The following CDC42SE1 variants were observed in gnomAD, a reference collection of about 807,000 sequenced individuals.
The protein encoded by CDC42SE1 is CDC42 small effector 1.
CDC42SE1 carries 10 observed loss-of-function variants against 10.9 expected under a neutral mutation model. The observed-to-expected ratio is 0.92, with a 90% confidence interval of 0.57 to 1.56. The LOEUF (loss-of-function observed/expected upper bound fraction) is 1.56, where lower values mean the gene tolerates loss of function less well. CDC42SE1 is among the 40% of genes most tolerant of loss of function. CDC42SE1 has a pLI of 0.00. For missense variants in CDC42SE1, 81 were observed against 100.8 expected (o/e 0.80, Z 0.84); for synonymous variants, 24 against 32.0 (o/e 0.75, Z 0.85).
chr1:151,059,150 C>G (rs192403296), intron 1 of CDC42SE1: 1 of 152,336 alleles, frequency 6.6e-6, no homozygotes, highest in Non-Finnish European at 1.5e-5. Context: ...GTATCTGTCT[C>G]CCCCCACTAC....
intron 4 of CDC42SE1, among the ~76,000 whole-genome samples, chr1:151,053,870 C>T (rs1676230691): frequency 6.6e-6 from 1 of 152,048 alleles, no homozygotes; most frequent in Non-Finnish European, 1.5e-5. Context: ...TGCTCTATCA[C>T]ACAGGCTGGA....
intron 3 of CDC42SE1, 89 bp from the exon 4 acceptor site, chr1:151,054,410 C>T (rs1191592956): frequency 1.8e-5 from 18 of 1,028,218 alleles, no homozygotes; most frequent in Middle Eastern, 2.0e-4. Context: ...AAGAGGCTGA[C>T]GCCATCTCCT....
rs374961798 is a variant in CDC42SE1, at chr1:151,055,056, A to T, written c.125T>A (p.Ile42Asn). The stretch of plus-strand genomic sequence containing the variant: ...TCCGGCCCCCATCTCCCCTGAGCCA[A>T]TGTGAGTCAGGTGAACAAAATTCAT... The part of the protein sequence containing the change: ...EPMNFVHLTH[I>N]GSGEMGAGDG... The change falls in exon 3 of 5, where the codon ATT becomes AAT. Residue 42 changes from isoleucine to asparagine, a missense_variant. Ile to Asn is a moderately radical substitution (Grantham distance 149, BLOSUM62 -3). Transcript: ENST00000357235. The T allele has an allele frequency of 3.7e-6, 6 of 1,613,830 alleles. No homozygotes were observed. The African/African-American group carries it at 6.7e-5, about 18-fold the overall frequency.
chr1:151,055,271 G>C, intron 2 of CDC42SE1, 145 bp from the exon 3 acceptor site: 2 of 637,522 alleles, frequency 3.1e-6, no homozygotes, highest in Non-Finnish European at 2.8e-6. Flanking sequence ...AATCACTAGG[G>C]CATGAAAGGC....
rs753633983 is a variant in CDC42SE1 at position 151,054,314 on chromosome 1, G to T, written c.173C>A (p.Ala58Glu). Reference protein sequence around the residue: ...GAGDGLAMTGAVQEQMRSKGN... With the variant: ...GAGDGLAMTGEVQEQMRSKGN... ...CTTGGATCTCATCTGCTCCTGAACT[G>T]CACCTGTCTGTAAAAAAACAGATGC... Residue 58 changes from alanine to glutamate, a missense_variant, in exon 4 of 5, where the codon GCA becomes GAA. By Grantham distance (107) the Ala-to-Glu change is moderately radical (BLOSUM62 -1). Transcript: ENST00000357235. 4.3e-6 allele frequency: 7 copies of T among 1,612,874 alleles called. No individual in the cohort carries two copies. The highest frequency in any genetic ancestry group is 5.9e-6 in the Non-Finnish European group (7 of 1,179,248).
chr1:151,052,403 C>T lies in CDC42SE1; in HGVS notation c.*941G>A, dbSNP rs1233221661. On this transcript the variant is annotated 3_prime_UTR_variant, in exon 5 of 5. Coordinates refer to ENST00000357235, the MANE Select transcript of CDC42SE1 (RefSeq NM_020239.4). ...GTTTTCAACCTATTTATCTCACCATCCTCAATGATCAGAAGTCCACCTTGA... is the reference window on the plus strand; with the variant it reads ...GTTTTCAACCTATTTATCTCACCATTCTCAATGATCAGAAGTCCACCTTGA... The T allele has an allele frequency of 6.6e-6, 1 of 152,630 alleles. No homozygotes were observed. Among genetic ancestry groups the T allele is most frequent in the African/African-American group, 2.4e-5 (1 of 41,452 alleles). 9.5% of individuals were successfully genotyped at this position (152,630 alleles called of 1,614,324 possible).
At chr1:151,059,399 CCA>C (rs1676358217) in intron 1 of CDC42SE1, 78 bp downstream of exon 1, 1 of 152,726 alleles carries the variant, frequency 6.5e-6, no homozygotes, top group Non-Finnish European at 1.5e-5. Flanking sequence ...CCCGCCTCCC[CCA>C]CACCCCGCAT....
intron 1 of CDC42SE1, chr1:151,058,783 C>T (rs1216738965): frequency 6.6e-6 from 1 of 152,328 alleles, no homozygotes; most frequent in African/African-American, 2.4e-5. Context: ...GTTCTCTGGT[C>T]CTGTTCGGGC....
chr1:151,054,920 T>G, intron 3 of CDC42SE1, 96 bp downstream of exon 3: 3 of 888,642 alleles, frequency 3.4e-6, no homozygotes, highest in Non-Finnish European at 3.7e-6. Context: ...TACTTCCCCA[T>G]TGAGTATTTT....
At chr1:151,055,613 G>C (rs149220714) in intron 2 of CDC42SE1, 64 bp downstream of exon 2, 2 of 1,327,898 alleles carry the variant, frequency 1.5e-6, no homozygotes, top group East Asian at 4.7e-5. Context: ...AGATGGTGTG[G>C]CTACCTCACA....
chr1:151,059,268 C>T (rs1308869145), intron 1 of CDC42SE1: 1 of 151,576 alleles, frequency 6.6e-6, no homozygotes, highest in African/African-American at 2.4e-5. Flanking sequence ...CATTCCAGTT[C>T]CTTCTTTTCC....
At chr1:151,055,198 C>T in intron 2 of CDC42SE1, 72 bp from the exon 3 acceptor site, 1 of 1,126,204 alleles carries the variant, frequency 8.9e-7, no homozygotes, top group Non-Finnish European at 1.3e-6. Context: ...GGAAAAGAGT[C>T]TTCAAAACCA....
Position 151,055,758 on chromosome 1 carries a change from G to T in CDC42SE1, c.-28C>A, listed in dbSNP as rs11204767. 1,602,482 of 1,602,506 alleles carry T rather than the reference G, an allele frequency of 1. 801,229 individuals carry two copies. Among genetic ancestry groups the T allele is most frequent in the Non-Finnish European group, 1 (1,170,888 of 1,170,900 alleles). On this transcript the variant is annotated 5_prime_UTR_variant, in exon 2 of 5. Coordinates refer to ENST00000357235, the MANE Select transcript of CDC42SE1 (RefSeq NM_020239.4). ...TCCCTGATGGTTCCAGCTTCACTCC[G>T]CTGTCTGAGGCCCCAAAGGGCTCTT... is the stretch of plus-strand genomic sequence containing the variant.
Position 151,052,970 on chromosome 1 carries a change from A to T in CDC42SE1, c.*374T>A, listed in dbSNP as rs1029752701. 2.0e-5 allele frequency: 3 copies of T among 152,362 alleles called. No individual in the cohort carries two copies. Among genetic ancestry groups the T allele is most frequent in the African/African-American group, 7.2e-5 (3 of 41,444 alleles). The allele number at this position is 152,362 out of a possible 1,614,324, so 9.4% of individuals were successfully genotyped here. ...ATAATCTCACCCACCTACCCCATTT[A>T]AGGAGTTCCAGGTTTAAGAGTTTAA... On this transcript the variant is annotated 3_prime_UTR_variant, in exon 5 of 5. Transcript: ENST00000357235.
In CDC42SE1 at chr1:151,059,620, G is replaced by C. The variant is rs1190775268; in HGVS notation, c.-405C>G. 6.6e-6 allele frequency: 1 copy of C among 152,456 alleles called. No homozygotes were observed. The highest frequency in any genetic ancestry group is 1.5e-5 in the Non-Finnish European group (1 of 68,248). The allele number at this position is 152,456 out of a possible 1,614,324, so 9.4% of individuals were successfully genotyped here. On this transcript the variant is annotated 5_prime_UTR_variant, in exon 1 of 5. Coordinates refer to ENST00000357235, the MANE Select transcript of CDC42SE1 (RefSeq NM_020239.4). ...GTACGAGCCGGCAGAGGTGGGGCCG[G>C]CTGAGGGCGGAAGCGGCGGCGACGC...
At position 151,055,781 on chromosome 1, in the gene CDC42SE1, C is replaced by T; in HGVS notation, c.-51G>A. On this transcript the variant is annotated 5_prime_UTR_variant, in exon 2 of 5. Transcript: ENST00000357235. Reference sequence around the variant, plus strand: ...CCGCTGTCTGAGGCCCCAAAGGGCTCTTTCCCTGGTGTTTGGACAACCCAC... The same window carrying T: ...CCGCTGTCTGAGGCCCCAAAGGGCTTTTTCCCTGGTGTTTGGACAACCCAC... 1.3e-6 allele frequency: 2 copies of T among 1,499,112 alleles called. No homozygotes were observed. The allele number at this position is 1,499,112 out of a possible 1,614,324, so 92.9% of individuals were successfully genotyped here. A position where few individuals can be genotyped will look rare whatever the true frequency, so the allele number is the denominator to read the frequency against.
chr1:151,055,128 T>G lies in CDC42SE1; in HGVS notation c.55-2A>C. On this transcript the variant is annotated splice_acceptor_variant, in intron 2 of 4. Transcript: ENST00000357235. LOFTEE classifies it high-confidence loss of function. ...GTCAATCCGTCTTCTCTTCTTCTTC[T>G]GCTTGGAGAAGATAAGGAGTCATGT... 6.2e-7 allele frequency: 1 copy of G among 1,607,680 alleles called. No homozygotes were observed. Among genetic ancestry groups the G allele is most frequent in the Non-Finnish European group, 8.5e-7 (1 of 1,174,736 alleles).
intron 2 of CDC42SE1, 180 bp downstream of exon 2, chr1:151,055,497 T>A (rs1676261885): frequency 3.1e-6 from 2 of 645,532 alleles, no homozygotes; most frequent in South Asian, 3.6e-5. Flanking sequence ...ACTATTCACT[T>A]CTTCCATCAC....
intron 1 of CDC42SE1, among the ~76,000 whole-genome samples, chr1:151,056,336 A>C (rs916695615): frequency 1.3e-5 from 2 of 152,146 alleles, no homozygotes; most frequent in Non-Finnish European, 2.9e-5. Context: ...CTTCTCTCTG[A>C]GTTTAGGGCA....
Sources: gnomAD v4.1 joint callset for allele counts (sites outside exome capture counted in the v4.1 genomes callset) on GRCh38, gnomAD v4.1.1 for gene constraint, MANE v1.5 for transcripts, NCBI Gene and HGNC (gene_info 2026-07-23, HGNC 2026-07-21) for gene names.